Variants in TECTA observed in about 807,000 individuals in gnomAD.
The protein encoded by TECTA is tectorin alpha.
A neutral mutation model predicts 216.8 loss-of-function variants in TECTA; 128 were observed. That is an observed-to-expected ratio of 0.59 (90% CI 0.51 to 0.68). The LOEUF (loss-of-function observed/expected upper bound fraction) is 0.68, where lower values mean the gene tolerates loss of function less well. Among genes scored for constraint, TECTA ranks in the 30% least tolerant of loss-of-function variants. The pLI is 0.00. For synonymous variants in TECTA, 1,089 were observed against 1,117.1 expected (o/e 0.97, Z 0.50); for missense variants, 2,551 against 2,786.2 (o/e 0.92, Z 1.90).
At position 121,141,782 on chromosome 11, in the gene TECTA, G is replaced by A. The variant is rs964866822; in HGVS notation, c.3543+3760G>A. ...TTTAGTATCATGAGCTTGTATTGAT[G>A]TCTGTTCTCTACCAAGTCCTCGGGG... On this transcript the variant is annotated intron_variant, in intron 11 of 23. Transcript: ENST00000392793. Among the ~76,000 whole-genome samples, 7 of 152,326 alleles carry A rather than the reference G, an allele frequency of 4.6e-5. No individual in the cohort carries two copies. In the South Asian group the frequency reaches 8.3e-4, roughly 18 times the overall value.
chr11:121,160,406 A>G lies in TECTA; in HGVS notation c.4961A>G (p.Asn1654Ser). ...SVVLAQSWKTNGMQKRPLAPS... is the reference protein window; with the variant it reads ...SVVLAQSWKTSGMQKRPLAPS... ...GTGCTGGCCCAGAGCTGGAAAACCAATGGCATGCAGAAGAGGTGAGGGTGT... is the reference window on the plus strand; with the variant it reads ...GTGCTGGCCCAGAGCTGGAAAACCAGTGGCATGCAGAAGAGGTGAGGGTGT... The change falls in exon 15 of 24, where the codon AAT (asparagine) becomes AGT (serine). Residue 1654 changes from asparagine (N) to serine (S), a missense_variant. This residue lies in a region of TECTA where 2,375 missense variants were observed against 2,563.9 expected (regional missense o/e 0.93). Coordinates refer to ENST00000392793, the MANE Select transcript of TECTA (RefSeq NM_005422.4). 6.2e-7 allele frequency: 1 copy of G among 1,611,830 alleles called. No homozygotes were observed. Among genetic ancestry groups the G allele is most frequent in the South Asian group, 1.1e-5 (1 of 91,072 alleles).
intron 20 of TECTA, among the ~76,000 whole-genome samples, chr11:121,186,565 A>G (rs940707430): frequency 3.3e-5 from 5 of 152,266 alleles, no homozygotes; most frequent in African/African-American, 1.2e-4. Context: ...TTACCACTTT[A>G]GAATCCTTGA....
chr11:121,171,823 A>T (rs962536123), intron 20 of TECTA, among the ~76,000 whole-genome samples: 1 of 152,084 alleles, frequency 6.6e-6, no homozygotes, highest in Non-Finnish European at 1.5e-5. Context: ...TTGAATCTTT[A>T]GGTTTTTCTG....
At chr11:121,151,532 A>G (rs545353703) in intron 12 of TECTA, among the ~76,000 whole-genome samples, 1 of 152,356 alleles carries the variant, frequency 6.6e-6, no homozygotes, top group East Asian at 1.9e-4. Context: ...ATGTATGCTT[A>G]TGTGCATACA....
chr11:121,176,252 C>T (rs1947165562), intron 20 of TECTA, among the ~76,000 whole-genome samples: 1 of 151,348 alleles, frequency 6.6e-6, no homozygotes, highest in African/African-American at 2.4e-5. Context: ...GGTTATTTTG[C>T]TCGTTAGTTG....
At chr11:121,176,318 G>T (rs971541462) in intron 20 of TECTA, among the ~76,000 whole-genome samples, 1 of 150,780 alleles carries the variant, frequency 6.6e-6, no homozygotes, top group Admixed American at 6.6e-5. Context: ...TTTTGCAGTG[G>T]CTGGTACCGG....
At chr11:121,174,516 C>T (rs1178931307) in intron 20 of TECTA, among the ~76,000 whole-genome samples, 2 of 152,176 alleles carry the variant, frequency 1.3e-5, no homozygotes, top group African/African-American at 2.4e-5. Context: ...TATATTGAAC[C>T]AGCCTTGCAT....
intron 10 of TECTA, among the ~76,000 whole-genome samples, chr11:121,135,073 C>T (rs1486105585): frequency 1.3e-5 from 2 of 152,190 alleles, no homozygotes; most frequent in African/African-American, 4.8e-5. Flanking sequence ...ATCTTGTGCA[C>T]ATGGTTCTGG....
intron 23 of TECTA, 62 bp from the exon 24 acceptor site, chr11:121,190,644 G>A (rs1367550871): frequency 7.9e-7 from 1 of 1,269,014 alleles, no homozygotes; most frequent in Non-Finnish European, 1.2e-6. Context: ...AAAGATGTCT[G>A]ATCCCTATCA....
At chr11:121,188,816 C>T (rs1947313509) in intron 21 of TECTA, among the ~76,000 whole-genome samples, 2 of 152,188 alleles carry the variant, frequency 1.3e-5, no homozygotes, top group South Asian at 2.1e-4. Flanking sequence ...AATCTAATTC[C>T]AGTGTGGATC....
intron 12 of TECTA, among the ~76,000 whole-genome samples, chr11:121,146,802 G>A (rs1946842692): frequency 6.6e-6 from 1 of 152,228 alleles, no homozygotes; most frequent in Non-Finnish European, 1.5e-5. Context: ...TGCATGCTAA[G>A]CGGTACTGTT....
chr11:121,120,180 G>A (rs1946543697), intron 7 of TECTA, among the ~76,000 whole-genome samples: 1 of 151,992 alleles, frequency 6.6e-6, no homozygotes, highest in Admixed American at 6.6e-5. Flanking sequence ...TAGAAGGAAA[G>A]GGACACCGTA....
chr11:121,166,815 G>A (rs984209469), intron 18 of TECTA, 35 bp downstream of exon 18: 1 of 1,610,724 alleles, frequency 6.2e-7, no homozygotes, highest in Non-Finnish European at 8.5e-7. Flanking sequence ...ACCTGGCAGA[G>A]GCAGCGACAG....
intron 20 of TECTA, among the ~76,000 whole-genome samples, chr11:121,172,912 T>A (rs566759951): frequency 1.3e-5 from 2 of 149,844 alleles, no homozygotes; most frequent in South Asian, 4.3e-4. Flanking sequence ...CTCATTGTGG[T>A]TTTGATTTGC....
Position 121,137,734 on chromosome 11 carries a change from G to C in TECTA, c.3255G>C (p.Glu1085Asp). 6.2e-7 allele frequency: 1 copy of C among 1,614,174 alleles called. No individual in the cohort carries two copies. The highest frequency in any genetic ancestry group is 8.5e-7 in the Non-Finnish European group (1 of 1,180,034). ...GCAAGGATGATGAGTACTGCATGGA[G>C]GAAGGTGGCCTGTACTACTGCCAAG... The part of the protein sequence containing the change: ...IPCKDDEYCM[E>D]EGGLYYCQAR... Residue 1085 changes from glutamate (E) to aspartate (D), a missense_variant, in exon 11 of 24, where the codon GAG becomes GAC. Physicochemically the swap from Glu to Asp is conservative, Grantham distance 45 (BLOSUM62 2). Around this residue, in one of 3 missense-constraint regions of TECTA, gnomAD observed 2,375 missense variants for 2,563.9 expected, o/e 0.93. Transcript: ENST00000392793.
intron 3 of TECTA, among the ~76,000 whole-genome samples, chr11:121,107,362 T>G (rs899505570): frequency 3.2e-4 from 49 of 152,340 alleles, no homozygotes; most frequent in Non-Finnish European, 2.1e-4. Flanking sequence ...AATTGTTCCT[T>G]GCGTTTCCAA....
At chr11:121,180,130 CTT>C (rs1397833061) in intron 20 of TECTA, among the ~76,000 whole-genome samples, 1 of 151,862 alleles carries the variant, frequency 6.6e-6, no homozygotes, top group African/African-American at 2.4e-5. Flanking sequence ...TTCATTCTCT[CTT>C]ATCATTTATT....
intron 4 of TECTA, chr11:121,109,899 C>T (rs768785651): frequency 1.3e-4 from 28 of 215,036 alleles, no homozygotes; most frequent in Non-Finnish European, 2.4e-4. Flanking sequence ...CTCTCTCCAT[C>T]CCTGATTTCC....
intron 7 of TECTA, among the ~76,000 whole-genome samples, chr11:121,122,347 C>G (rs553835576): frequency 6.6e-6 from 1 of 152,228 alleles, no homozygotes; most frequent in South Asian, 2.1e-4. Flanking sequence ...ATTTATGAAC[C>G]AGAAAGTGGG....
Sources: allele counts gnomAD v4.1 joint callset (sites outside exome capture counted in the v4.1 genomes callset), GRCh38; gene constraint gnomAD v4.1.1; regional missense constraint gnomAD v4.1.1; transcripts MANE v1.5; gene names NCBI Gene and HGNC (gene_info 2026-07-23, HGNC 2026-07-21).